The following ACOT7 variants were observed in gnomAD, a reference collection of about 807,000 sequenced individuals.
ACOT7 encodes the protein acyl-CoA thioesterase 7, also known as cytosolic acyl coenzyme A thioester hydrolase.
Under a neutral mutation model 40.2 loss-of-function variants are expected in ACOT7, and 12 were observed. The ratio of observed to expected loss-of-function variants is 0.30; its 90% CI spans 0.19 to 0.48. The LOEUF (loss-of-function observed/expected upper bound fraction) is 0.48. Among genes scored for constraint, ACOT7 ranks in the 20% least tolerant of loss-of-function variants. The pLI, the probability that ACOT7 is intolerant of heterozygous loss-of-function variation, is 0.99. For synonymous variants in ACOT7, 228 were observed against 219.5 expected (o/e 1.04, Z -0.34); for missense variants, 395 against 530.8 (o/e 0.74, Z 2.51).
chr1:6,327,935 G>A (rs948424643), intron 4 of ACOT7, among the ~76,000 whole-genome samples: 6 of 152,082 alleles, frequency 3.9e-5, no homozygotes, highest in South Asian at 4.2e-4. Context: ...CACCATGCCC[G>A]GCTAATTTTT....
intron 1 of ACOT7, among the ~76,000 whole-genome samples, chr1:6,365,338 G>A (rs777586244): frequency 1.3e-5 from 2 of 152,074 alleles, no homozygotes; most frequent in Non-Finnish European, 2.9e-5. Context: ...CCAGATCACC[G>A]CAACAAAGCA....
intron 5 of ACOT7, among the ~76,000 whole-genome samples, chr1:6,325,078 T>C (rs913421943): frequency 2.0e-5 from 3 of 152,250 alleles, no homozygotes; most frequent in Non-Finnish European, 4.4e-5. Context: ...GCTGTGTTGA[T>C]AAACTGGCTG....
chr1:6,306,965 C>G lies in ACOT7; in HGVS notation c.712+11527G>C. ...AGCGTCTTGGTGGAGGCCTCACTTG[C>G]GTCCCCTCCCATGTTTTCTCTGCCT... On this transcript the variant is annotated intron_variant, in intron 6 of 8. Coordinates refer to ENST00000361521, the MANE Select transcript of ACOT7 (RefSeq NM_007274.4). The surrounding 1 kb of genome is among the most constrained non-coding windows in gnomAD (Gnocchi z 4.3). 1.6e-6 allele frequency: 2 copies of G among 1,254,844 alleles called. No individual in the cohort carries two copies. Among genetic ancestry groups the G allele is most frequent in the South Asian group, 1.3e-5 (1 of 79,972 alleles). The allele number at this position is 1,254,844 out of a possible 1,614,324, so 77.7% of individuals were successfully genotyped here. A position where few individuals can be genotyped will look rare whatever the true frequency, so the allele number is the denominator to read the frequency against.
chr1:6,319,596 C>G (rs931517100), intron 5 of ACOT7, among the ~76,000 whole-genome samples: 1 of 152,238 alleles, frequency 6.6e-6, no homozygotes, highest in Non-Finnish European at 1.5e-5. Flanking sequence ...TGTCAGCTGT[C>G]CAGCTTTGAC....
At chr1:6,302,627 C>T (rs1640004166) in intron 6 of ACOT7, among the ~76,000 whole-genome samples, 1 of 152,172 alleles carries the variant, frequency 6.6e-6, no homozygotes. Flanking sequence ...CTGAACTCTG[C>T]TGGCTACTTA....
chr1:6,280,349 T>C (rs1454709596), intron 8 of ACOT7, among the ~76,000 whole-genome samples: 1 of 152,240 alleles, frequency 6.6e-6, no homozygotes, highest in African/African-American at 2.4e-5. Context: ...ACCTCTGTTC[T>C]TATGACAGAG....
At chr1:6,357,897 C>T (rs1416436848) in intron 1 of ACOT7, among the ~76,000 whole-genome samples, 3 of 150,242 alleles carry the variant, frequency 2.0e-5, no homozygotes, top group Non-Finnish European at 3.0e-5. Flanking sequence ...GAGGGAGTCT[C>T]GCTCTGTCAC....
chr1:6,268,521 C>T (rs1040599937), intron 8 of ACOT7, among the ~76,000 whole-genome samples: 4 of 152,220 alleles, frequency 2.6e-5, no homozygotes, highest in Non-Finnish European at 4.4e-5. Flanking sequence ...GCTTTACAAG[C>T]GGTGGGCTGC....
intron 4 of ACOT7, among the ~76,000 whole-genome samples, chr1:6,327,729 T>C (rs1286089338): frequency 6.6e-6 from 1 of 152,138 alleles, no homozygotes; most frequent in African/African-American, 2.4e-5. Context: ...TTAACGTAAT[T>C]TTTGTAACTA....
At chr1:6,305,742 C>T (rs75069881) in intron 6 of ACOT7, among the ~76,000 whole-genome samples, 4 of 140,278 alleles carry the variant, frequency 2.9e-5, no homozygotes, top group Admixed American at 1.4e-4. Flanking sequence ...ACATCCCAGA[C>T]GACGGGCGGC....
intron 8 of ACOT7, among the ~76,000 whole-genome samples, chr1:6,279,074 G>A (rs550599595): frequency 6.6e-6 from 1 of 151,752 alleles, no homozygotes; most frequent in Non-Finnish European, 1.5e-5. Flanking sequence ...TCCATGGGGA[G>A]AGACCAGAGC....
In ACOT7 at chr1:6,385,570, G is replaced by A. The variant is rs577253801; in HGVS notation, c.143+7687C>T. On this transcript the variant is annotated intron_variant, in intron 1 of 8. Coordinates refer to ENST00000361521, the MANE Select transcript of ACOT7 (RefSeq NM_007274.4). ...ACCTGGACGGGAGCGCAGCACCCTC[G>A]CCGGGGCCCCACACATCCCTGGCCA... The A allele has an allele frequency of 1.1e-5, 17 of 1,612,070 alleles. No individual in the cohort carries two copies. In the East Asian group the frequency reaches 1.3e-4, roughly 13 times the overall value.
At position 6,281,125 on chromosome 1, in the gene ACOT7, A is replaced by G. The variant is rs1639345577; in HGVS notation, c.991T>C (p.Ser331Pro). The G allele has an allele frequency of 6.2e-7, 1 of 1,613,850 alleles. No individual in the cohort carries two copies. Among genetic ancestry groups the G allele is most frequent in the East Asian group, 2.2e-5 (1 of 44,880 alleles). The change falls in exon 8 of 9, where the codon TCG (serine) becomes CCG (proline). Residue 331 changes from serine to proline, a missense_variant. By Grantham distance (74) the Ser-to-Pro change is moderately conservative (BLOSUM62 -1). This residue lies in a region of ACOT7 where 309 missense variants were observed against 470.3 expected (regional missense o/e 0.66). Coordinates refer to ENST00000361521, the MANE Select transcript of ACOT7 (RefSeq NM_007274.4). ...ACCACCAGCTGGGGCACAGGCAGCG[A>G]CCTGCCTTCCTGGCTCAGCGACACG... is the stretch of plus-strand genomic sequence containing the variant. The part of the protein sequence containing the change: ...TYVSLSQEGR[S>P]LPVPQLVPET...
chr1:6,374,289 C>T (rs558783049), intron 1 of ACOT7, among the ~76,000 whole-genome samples: 7 of 152,350 alleles, frequency 4.6e-5, no homozygotes, highest in East Asian at 1.9e-4. Flanking sequence ...ACTAAGAGCC[C>T]TGCCCAGCCA....
At chr1:6,313,346 G>A (rs144372536) in intron 6 of ACOT7, among the ~76,000 whole-genome samples, 373 of 152,300 alleles carry the variant, frequency 2.4e-3, no homozygotes, top group Non-Finnish European at 4.3e-3. Context: ...GCCAGAAAGT[G>A]GAGGGAAAAT....
intron 1 of ACOT7, among the ~76,000 whole-genome samples, chr1:6,372,464 T>C (rs987483369): frequency 1.3e-5 from 2 of 152,204 alleles, no homozygotes; most frequent in African/African-American, 2.4e-5. Flanking sequence ...CATTCACAAC[T>C]TGGCTAACTG....
chr1:6,274,638 C>G lies in ACOT7; in HGVS notation c.1014+6464G>C, dbSNP rs568789935. Among the ~76,000 whole-genome samples, 1 of 152,318 alleles carries G rather than the reference C, an allele frequency of 6.6e-6. No individual in the cohort carries two copies. The highest frequency in any genetic ancestry group is 2.1e-4 in the South Asian group (1 of 4,824). On this transcript the variant is annotated intron_variant, in intron 8 of 8. Coordinates refer to ENST00000361521, the MANE Select transcript of ACOT7 (RefSeq NM_007274.4). This position sits in a 1 kb window ranked among gnomAD's most constrained non-coding sequence, Gnocchi z 5.9. ...AAGTTGTGTGGGTCTGTGCTGAGGC[C>G]ACGCCTCACATAAGGCCCCAGCAGA...
rs1161972908 is a variant in ACOT7, at chr1:6,294,973, G to A, written c.720C>T (p.Thr240=). The A allele has an allele frequency of 1.2e-6, 2 of 1,612,838 alleles. No homozygotes were observed. The highest frequency in any genetic ancestry group is 1.7e-5 in the Admixed American group (1 of 60,012). The change falls in exon 7 of 9, where the codon ACC becomes ACT. Residue 240 remains threonine, a synonymous_variant. Transcript: ENST00000361521. The surrounding 1 kb of genome is among the most constrained non-coding windows in gnomAD (Gnocchi z 4.6). ...CGGCGACCTCATCCATGAGCTTCAT[G>A]GTCACACCTGCGGAGAAAGGGACAT... ...TLHGFVHGGV[T]MKLMDEVAGI...
At chr1:6,368,368 G>A (rs1253305440) in intron 1 of ACOT7, among the ~76,000 whole-genome samples, 3 of 152,144 alleles carry the variant, frequency 2.0e-5, no homozygotes, top group African/African-American at 7.2e-5. Flanking sequence ...CCGCAGTCCA[G>A]GTCCCCAAAG....
Sources: gnomAD v4.1 joint callset for allele counts (sites outside exome capture counted in the v4.1 genomes callset) on GRCh38, gnomAD v4.1.1 for gene constraint, gnomAD v4.1.1 regional missense constraint, Gnocchi (gnomAD v3.1) non-coding constraint, MANE v1.5 for transcripts, NCBI Gene and HGNC (gene_info 2026-07-23, HGNC 2026-07-21) for gene names.